The following CDH8 variants were observed in gnomAD, a reference collection of about 807,000 sequenced individuals.
The protein encoded by CDH8 is cadherin-8.
In CDH8, 17 loss-of-function variants were observed where a neutral mutation model predicts 68.1. The ratio of observed to expected loss-of-function variants is 0.25; its 90% confidence interval spans 0.17 to 0.37. CDH8 has a LOEUF of 0.37. CDH8 is among the 10% of genes least tolerant of loss of function. The pLI is 1.00. For synonymous variants in CDH8, 372 were observed against 365.1 expected, an observed-to-expected ratio of 1.02 and a Z score of -0.21; for missense variants, 763 against 999.3, an observed-to-expected ratio of 0.76 and a Z score of 3.19.
rs187390786 is a variant in CDH8, at chr16:61,824,112, G to C, written c.835+900C>G. On this transcript the variant is annotated intron_variant, in intron 5 of 11. Coordinates refer to ENST00000577390, the MANE Select transcript of CDH8 (RefSeq NM_001796.5). ...ATTCAGCCTTTAAAAAGGAGATCCT[G>C]TCATTTGCAACAACATGAATGAACC... Among the ~76,000 whole-genome samples the C allele has an allele frequency of 3.0e-4, 45 of 151,786 alleles. No homozygotes were observed. The East Asian group carries it at 8.4e-3, about 28-fold the overall frequency.
At chr16:61,871,614 T>C (rs956460380) in intron 3 of CDH8, among the ~76,000 whole-genome samples, 3 of 151,214 alleles carry the variant, frequency 2.0e-5, no homozygotes, top group African/African-American at 7.3e-5. Context: ...GAACATAAAA[T>C]AGGACACACA....
chr16:61,834,678 C>T (rs1962529639), intron 4 of CDH8, among the ~76,000 whole-genome samples: 1 of 151,896 alleles, frequency 6.6e-6, no homozygotes, highest in African/African-American at 2.4e-5. Flanking sequence ...CTTTGATATA[C>T]ATGCTTTACC....
chr16:61,691,814 C>T (rs568712069), intron 10 of CDH8: 8 of 152,098 alleles, frequency 5.3e-5, no homozygotes, highest in Middle Eastern at 3.4e-3. Flanking sequence ...TAATAATGCA[C>T]GACTTTTATG....
intron 1 of CDH8, among the ~76,000 whole-genome samples, chr16:62,022,994 G>T (rs558095869): frequency 1.2e-4 from 18 of 152,182 alleles, no homozygotes; most frequent in Non-Finnish European, 2.4e-4. Flanking sequence ...AAAGAAAACA[G>T]CTTTCAATGG....
chr16:61,780,345 T>C (rs1261241554), intron 8 of CDH8, among the ~76,000 whole-genome samples: 1 of 152,216 alleles, frequency 6.6e-6, no homozygotes, highest in Non-Finnish European at 1.5e-5. Flanking sequence ...CAGGATAACA[T>C]GTTAGATCCA....
At chr16:61,967,728 T>C (rs1965276109) in intron 2 of CDH8, among the ~76,000 whole-genome samples, 1 of 152,194 alleles carries the variant, frequency 6.6e-6, no homozygotes, top group Admixed American at 6.5e-5. Flanking sequence ...TTTTGAAGGC[T>C]TTTGGATTTG....
At chr16:61,821,875 T>C (rs1008897809) in intron 5 of CDH8, among the ~76,000 whole-genome samples, 1 of 151,972 alleles carries the variant, frequency 6.6e-6, no homozygotes, top group African/African-American at 2.4e-5. Flanking sequence ...GGTGTCCCAA[T>C]CATAACCCCC....
intron 10 of CDH8, among the ~76,000 whole-genome samples, chr16:61,678,623 A>G (rs1963958854): frequency 6.6e-6 from 1 of 151,972 alleles, no homozygotes; most frequent in South Asian, 2.1e-4. Flanking sequence ...GGTTTGCTGC[A>G]CCCATCAACC....
At chr16:61,793,526 A>T (rs1027144016) in intron 7 of CDH8, among the ~76,000 whole-genome samples, 4 of 151,980 alleles carry the variant, frequency 2.6e-5, no homozygotes, top group Non-Finnish European at 4.4e-5. Flanking sequence ...TTCCTGAATT[A>T]GTTTGCTAAT....
In CDH8 at chr16:62,021,456, T is replaced by C; in HGVS notation, c.-53A>G. 1 of 1,557,620 alleles carries C rather than the reference T, an allele frequency of 6.4e-7. No individual in the cohort carries two copies. Among genetic ancestry groups the C allele is most frequent in the Non-Finnish European group, 8.7e-7 (1 of 1,151,832 alleles). On this transcript the variant is annotated 5_prime_UTR_variant, in exon 2 of 12. Transcript: ENST00000577390. The stretch of plus-strand genomic sequence containing the variant: ...GAAAATGAGACAATTATTTTTTTTG[T>C]CTCCGGTCTGCAGCCATCCAATTCA...
At chr16:61,889,763 A>G (rs1323276783) in intron 3 of CDH8, among the ~76,000 whole-genome samples, 2 of 152,212 alleles carry the variant, frequency 1.3e-5, no homozygotes, top group South Asian at 2.1e-4. Context: ...ATAAACAGGA[A>G]GATTTGCCTT....
intron 8 of CDH8, among the ~76,000 whole-genome samples, chr16:61,770,334 G>A (rs1026497544): frequency 6.6e-6 from 1 of 151,856 alleles, no homozygotes; most frequent in Non-Finnish European, 1.5e-5. Context: ...GAAAGGGCAA[G>A]TGTATGTACC....
intron 8 of CDH8, among the ~76,000 whole-genome samples, chr16:61,782,086 C>T (rs1024629072): frequency 4.6e-5 from 7 of 152,164 alleles, no homozygotes; most frequent in African/African-American, 1.4e-4. Flanking sequence ...TTCGGAGGAG[C>T]CAAGATGGCC....
intron 3 of CDH8, among the ~76,000 whole-genome samples, chr16:61,898,810 C>T (rs1425233691): frequency 6.6e-6 from 1 of 152,038 alleles, no homozygotes; most frequent in African/African-American, 2.4e-5. Flanking sequence ...AACAATATCG[C>T]TTCCATGTTG....
intron 2 of CDH8, among the ~76,000 whole-genome samples, chr16:61,991,687 T>C (rs558330224): frequency 6.6e-6 from 1 of 152,296 alleles, no homozygotes; most frequent in South Asian, 2.1e-4. Flanking sequence ...GTCAGAAAAC[T>C]TGGAAGTTAT....
intron 7 of CDH8, among the ~76,000 whole-genome samples, chr16:61,814,073 C>T: frequency 6.6e-6 from 1 of 152,186 alleles, no homozygotes; most frequent in Non-Finnish European, 1.5e-5. Flanking sequence ...TAACTGGTAA[C>T]CCTACTAGCT....
intron 2 of CDH8, among the ~76,000 whole-genome samples, chr16:61,925,512 G>A (rs1185438798): frequency 6.6e-6 from 1 of 152,154 alleles, no homozygotes; most frequent in Non-Finnish European, 1.5e-5. Context: ...TTAGAGATGT[G>A]ACTTTGATGA....
At chr16:62,028,779 C>A (rs1902256525) in intron 1 of CDH8, among the ~76,000 whole-genome samples, 2 of 151,926 alleles carry the variant, frequency 1.3e-5, no homozygotes, top group Admixed American at 1.3e-4. Context: ...AACTCCCTTG[C>A]CAGTTACAGA....
chr16:61,727,005 G>A (rs1490071814), intron 9 of CDH8, 89 bp downstream of exon 9: 1 of 1,350,582 alleles, frequency 7.4e-7, no homozygotes, highest in Admixed American at 1.8e-5. Context: ...GATCATAAAT[G>A]ATGCAAATGC....
Sources: allele counts gnomAD v4.1 joint callset (sites outside exome capture counted in the v4.1 genomes callset), GRCh38; gene constraint gnomAD v4.1.1; transcripts MANE v1.5; gene names NCBI Gene and HGNC (gene_info 2026-07-23, HGNC 2026-07-21).